EML1: variants seen among roughly 807,000 people sequenced by gnomAD.
EML1 encodes the protein echinoderm microtubule-associated protein-like 1.
In EML1, 27 loss-of-function variants were observed where a neutral mutation model predicts 110.4. The ratio of observed to expected loss-of-function variants is 0.24; its 90% CI spans 0.18 to 0.34. The LOEUF is 0.34. Ranked by LOEUF, EML1 falls within the 10% of genes least tolerant of loss-of-function variation. EML1 has a pLI of 1.00. For synonymous variants in EML1, 344 were observed against 385.8 expected (o/e 0.89, Z 1.27); for missense variants, 741 against 1,030.9 (o/e 0.72, Z 3.85).
intron 1 of EML1, among the ~76,000 whole-genome samples, chr14:99,780,378 G>A (rs762620844): frequency 6.6e-6 from 1 of 152,152 alleles, no homozygotes; most frequent in Non-Finnish European, 1.5e-5. Flanking sequence ...TGGGGAAGTA[G>A]GTTGCTGGTT....
rs75105768 is a variant in EML1 at position 99,742,116 on chromosome 14, T to G, written c.28+4256T>G. ...ACATGTCCCGAGTTCTGACATCAAGTACCCCCCACCTCAGCCCCTGTGAAG... is the reference window on the plus strand; with the variant it reads ...ACATGTCCCGAGTTCTGACATCAAGGACCCCCCACCTCAGCCCCTGTGAAG... On this transcript the variant is annotated intron_variant, in intron 1 of 10. Transcript: ENST00000554479. 7.5e-3 allele frequency among the ~76,000 whole-genome samples: 1,136 copies of G among 152,176 alleles called. 22 individuals carry two copies. Among genetic ancestry groups the G allele is most frequent in the African/African-American group, 0.026 (1,093 of 41,532 alleles).
At chr14:99,738,574 G>C (rs1463531193) in intron 1 of EML1, among the ~76,000 whole-genome samples, 2 of 152,236 alleles carry the variant, frequency 1.3e-5, no homozygotes, top group Non-Finnish European at 2.9e-5. Flanking sequence ...AGGCTGTCCA[G>C]GTTCAAATTC....
chr14:99,888,096 G>A (rs2059513751), intron 4 of EML1, among the ~76,000 whole-genome samples: 1 of 152,122 alleles, frequency 6.6e-6, no homozygotes, highest in South Asian at 2.1e-4. Context: ...TCTAAATACA[G>A]CATACCACAA....
chr14:99,739,497 C>G (rs1374450385), intron 1 of EML1, among the ~76,000 whole-genome samples: 4 of 152,186 alleles, frequency 2.6e-5, no homozygotes, highest in Non-Finnish European at 5.9e-5. Flanking sequence ...GTGGGCCTCA[C>G]CATCCCTTCC....
chr14:99,804,595 C>T (rs1354285860), intron 1 of EML1, among the ~76,000 whole-genome samples: 4 of 151,982 alleles, frequency 2.6e-5, no homozygotes, highest in Admixed American at 2.0e-4. Flanking sequence ...CAGTTATGCT[C>T]GATGAGTGAA....
intron 1 of EML1, among the ~76,000 whole-genome samples, chr14:99,803,232 G>C (rs115033995): frequency 6.6e-6 from 1 of 152,146 alleles, no homozygotes; most frequent in Non-Finnish European, 1.5e-5. Flanking sequence ...TCAAACACAC[G>C]CACCAGGCGC....
chr14:99,740,822 C>T (rs1423224561), intron 1 of EML1, among the ~76,000 whole-genome samples: 1 of 152,194 alleles, frequency 6.6e-6, no homozygotes, highest in Admixed American at 6.5e-5. Context: ...TGCTTGGCAC[C>T]TGCCTGGCAT....
At position 99,775,822 on chromosome 14, in the gene EML1, A is replaced by T. The variant is rs571284968; in HGVS notation, c.-27+1809A>T. 3.3e-5 allele frequency among the ~76,000 whole-genome samples: 5 copies of T among 152,360 alleles called. No homozygotes were observed. The South Asian group carries it at 1.0e-3, about 32-fold the overall frequency. On this transcript the variant is annotated intron_variant, in intron 1 of 22. Transcript: ENST00000327921. ...CCTCTCCGCTCCTTTGTGTAATGGC[A>T]GTATTGGGATAGCAATTCAAGGTCA... is the stretch of plus-strand genomic sequence containing the variant.
Position 99,785,344 on chromosome 14 carries a change from C to T in EML1, c.-27+11331C>T, listed in dbSNP as rs180707665. Among the ~76,000 whole-genome samples the T allele has an allele frequency of 1.7e-3, 257 of 152,286 alleles. 1 individual carries two copies. Among genetic ancestry groups the T allele is most frequent in the Middle Eastern group, 3.4e-3 (1 of 294 alleles). On this transcript the variant is annotated intron_variant, in intron 1 of 22. Transcript: ENST00000327921. Reference sequence around the variant, plus strand: ...TGTTGGGATTACAGGCGTTAGCCACCGCGCCCAGCCTCCTTTTTCTCTAAT... The same window carrying T: ...TGTTGGGATTACAGGCGTTAGCCACTGCGCCCAGCCTCCTTTTTCTCTAAT...
rs117109787 is a variant in EML1, at chr14:99,781,955, G to A, written c.-27+7942G>A. 0.036 allele frequency among the ~76,000 whole-genome samples: 5,417 copies of A among 152,210 alleles called. 144 individuals are homozygous for A. The highest frequency in any genetic ancestry group is 0.053 in the Non-Finnish European group (3,580 of 68,004). ...TTTCACTAATCCCCATGTGTCTGTC[G>A]GTCCCAAACCCAAGCAACAAATACT... is the stretch of plus-strand genomic sequence containing the variant. On this transcript the variant is annotated intron_variant, in intron 1 of 22. Transcript: ENST00000327921. The surrounding 1 kb of genome is among the most constrained non-coding windows in gnomAD (Gnocchi z 4.2).
chr14:99,738,951 G>C (rs1004818312), intron 1 of EML1, among the ~76,000 whole-genome samples: 1 of 152,174 alleles, frequency 6.6e-6, no homozygotes, highest in South Asian at 2.1e-4. Flanking sequence ...CTCCTGGGGG[G>C]TGTGGGGCAG....
intron 1 of EML1, among the ~76,000 whole-genome samples, chr14:99,803,183 T>C (rs1196707311): frequency 1.3e-5 from 2 of 152,170 alleles, no homozygotes; most frequent in African/African-American, 4.8e-5. Flanking sequence ...GGTGGTTGAA[T>C]AGATTCAGGG....
intron 1 of EML1, among the ~76,000 whole-genome samples, chr14:99,747,631 G>A (rs956680416): frequency 6.6e-6 from 1 of 152,230 alleles, no homozygotes; most frequent in African/African-American, 2.4e-5. Flanking sequence ...CACTGCACCA[G>A]GGCTGGGCTG....
intron 1 of EML1, among the ~76,000 whole-genome samples, chr14:99,796,936 T>TGTGTGTGTGAGA (rs368044152): frequency 4.7e-5 from 7 of 150,030 alleles, no homozygotes; most frequent in Admixed American, 4.0e-4. Flanking sequence ...TGTGTGTGTG[T>TGTGTGTGTGAGA]GAGAGAGTAA....
chr14:99,849,505 T>TTGTG (rs764449866), intron 1 of EML1, among the ~76,000 whole-genome samples: 4,826 of 149,040 alleles, frequency 0.032, 88 homozygotes, highest in Middle Eastern at 0.058. Flanking sequence ...GTGTGTGTAT[T>TTGTG]TGTGTGTGTG....
At chr14:99,854,201 G>A (rs192477477) in intron 2 of EML1, among the ~76,000 whole-genome samples, 2 of 152,296 alleles carry the variant, frequency 1.3e-5, no homozygotes, top group East Asian at 3.9e-4. Flanking sequence ...CTAGTTTTTA[G>A]ACTGCAGTCA....
chr14:99,787,033 C>T (rs2057608220), intron 1 of EML1, among the ~76,000 whole-genome samples: 2 of 152,138 alleles, frequency 1.3e-5, no homozygotes, highest in African/African-American at 4.8e-5. Context: ...TGGAGTGCTT[C>T]AGATCTGAAA....
chr14:99,833,242 C>G (rs954180791), intron 1 of EML1, among the ~76,000 whole-genome samples: 1 of 152,156 alleles, frequency 6.6e-6, no homozygotes, highest in Non-Finnish European at 1.5e-5. Context: ...TGCAATTGTT[C>G]CAGCCTAATT....
intron 1 of EML1, among the ~76,000 whole-genome samples, chr14:99,812,531 A>T (rs972261275): frequency 2.0e-5 from 3 of 151,794 alleles, no homozygotes; most frequent in African/African-American, 7.2e-5. Context: ...CCTCGGCTGC[A>T]CAATGCGCCT....
Sources: allele counts gnomAD v4.1 joint callset (sites outside exome capture counted in the v4.1 genomes callset), GRCh38; gene constraint gnomAD v4.1.1; non-coding constraint Gnocchi (gnomAD v3.1); transcripts MANE v1.5; gene names NCBI Gene and HGNC (gene_info 2026-07-23, HGNC 2026-07-21).